Variants in PRKAR1B observed in about 807,000 individuals in gnomAD.
The protein encoded by PRKAR1B is protein kinase cAMP-dependent type I regulatory subunit beta, also known as cAMP-dependent protein kinase type I-beta regulatory subunit.
A neutral mutation model predicts 46.5 loss-of-function variants in PRKAR1B; 22 were observed. That is an observed-to-expected ratio of 0.47 (90% CI 0.34 to 0.68). The LOEUF is 0.68. Among genes scored for constraint, PRKAR1B ranks in the 30% least tolerant of loss-of-function variants. The pLI is 0.01. For missense variants in PRKAR1B, 445 were observed against 535.6 expected (o/e 0.83, Z 1.67); for synonymous variants, 259 against 217.7 (o/e 1.19, Z -1.67).
rs566986579 is a variant in PRKAR1B, at chr7:644,823, G to T, written c.440+32406C>A. Among the ~76,000 whole-genome samples, 3 of 152,170 alleles carry T rather than the reference G, an allele frequency of 2.0e-5. No homozygotes were observed. Among genetic ancestry groups the T allele is most frequent in the Non-Finnish European group, 4.4e-5 (3 of 68,034 alleles). ...AGGGAAGCGGGCCCCAAAGAGGCTG[G>T]ACCGGGCAGTGCCGTCGGCCAAAGG... On this transcript the variant is annotated intron_variant, in intron 4 of 10. Coordinates refer to ENST00000537384, the MANE Select transcript of PRKAR1B (RefSeq NM_001164760.2). This position sits in a 1 kb window ranked among gnomAD's most constrained non-coding sequence, Gnocchi z 4.9.
At chr7:628,785 C>T (rs916864723) in intron 4 of PRKAR1B, among the ~76,000 whole-genome samples, 2 of 152,084 alleles carry the variant, frequency 1.3e-5, no homozygotes, top group African/African-American at 2.4e-5. Context: ...CTCCCTCCCT[C>T]GCCTTTTCCA....
intron 6 of PRKAR1B, among the ~76,000 whole-genome samples, chr7:604,391 T>C (rs1331208953): frequency 6.6e-6 from 1 of 152,212 alleles, no homozygotes; most frequent in Admixed American, 6.5e-5. Context: ...CCGGGACCTT[T>C]GGCACCTGCC....
intron 7 of PRKAR1B, among the ~76,000 whole-genome samples, chr7:585,338 C>T (rs1780535066): frequency 6.6e-6 from 1 of 152,124 alleles, no homozygotes; most frequent in Non-Finnish European, 1.5e-5. Context: ...CTGCCTGGGC[C>T]TTTGTACAGT....
chr7:640,617 G>C lies in PRKAR1B; in HGVS notation c.441-33165C>G, dbSNP rs373278369. Reference sequence around the variant, plus strand: ...ATCTCTACTAAAAATACAAAAATTAGCCGGGTGTGGTGGCAGCTGCCTGTA... The same window carrying C: ...ATCTCTACTAAAAATACAAAAATTACCCGGGTGTGGTGGCAGCTGCCTGTA... On this transcript the variant is annotated intron_variant, in intron 4 of 10. Transcript: ENST00000537384. Among the ~76,000 whole-genome samples the C allele has an allele frequency of 4.6e-5, 7 of 152,162 alleles. No individual in the cohort carries two copies. In the East Asian group the frequency reaches 9.7e-4, roughly 21 times the overall value.
chr7:678,480 G>A (rs1048854482), intron 3 of PRKAR1B, among the ~76,000 whole-genome samples: 2 of 152,198 alleles, frequency 1.3e-5, no homozygotes, highest in Non-Finnish European at 2.9e-5. Flanking sequence ...CTGTCTGTCT[G>A]TCTGAAACTC....
chr7:550,273 TCCA>T lies in PRKAR1B; in HGVS notation c.*154_*156del. 1.6e-6 allele frequency: 1 copy of T among 622,240 alleles called. No individual in the cohort carries two copies. Among genetic ancestry groups the T allele is most frequent in the Non-Finnish European group, 2.9e-6 (1 of 350,206 alleles). The allele number at this position is 622,240 out of a possible 1,614,324, so 38.5% of individuals were successfully genotyped here. Reference sequence around the variant, plus strand: ...GGAAATGCACAAGGTGATCATTTATTCCAAAAAGTGAGTCCGGGGAAGGGGCAG... The same window carrying T: ...GGAAATGCACAAGGTGATCATTTATTAAAAGTGAGTCCGGGGAAGGGGCAG... On this transcript the variant is annotated 3_prime_UTR_variant, in exon 11 of 11. Transcript: ENST00000537384.
At chr7:630,561 G>C (rs915919268) in intron 4 of PRKAR1B, among the ~76,000 whole-genome samples, 1 of 152,160 alleles carries the variant, frequency 6.6e-6, no homozygotes, top group African/African-American at 2.4e-5. Flanking sequence ...GTTTTAATTT[G>C]GTCTGAACCT....
intron 1 of PRKAR1B, among the ~76,000 whole-genome samples, chr7:726,139 G>A (rs1455298838): frequency 2.0e-5 from 3 of 152,102 alleles, no homozygotes; most frequent in Non-Finnish European, 4.4e-5. Context: ...CAATTCCCCT[G>A]TCTTGATAAA....
chr7:574,295 G>A (rs1779700781), intron 9 of PRKAR1B, among the ~76,000 whole-genome samples: 3 of 152,264 alleles, frequency 2.0e-5, no homozygotes, highest in Admixed American at 6.5e-5. Context: ...CTGAGAAGCC[G>A]AGAGCAGGGC....
At chr7:588,573 A>ATGGTGAT in intron 7 of PRKAR1B, among the ~76,000 whole-genome samples, 1 of 130,868 alleles carries the variant, frequency 7.6e-6, no homozygotes, top group African/African-American at 3.1e-5. Context: ...GATGTTGGTG[A>ATGGTGAT]GGATAGTGAC....
intron 6 of PRKAR1B, among the ~76,000 whole-genome samples, chr7:597,475 G>A (rs1374177278): frequency 6.6e-6 from 1 of 152,198 alleles, no homozygotes; most frequent in Non-Finnish European, 1.5e-5. Flanking sequence ...AGTTCCTGGA[G>A]GGAGGCTGGA....
chr7:705,013 C>A (rs186622633), intron 2 of PRKAR1B, among the ~76,000 whole-genome samples: 245 of 151,958 alleles, frequency 1.6e-3, no homozygotes, highest in African/African-American at 5.7e-3. Flanking sequence ...ACTTTAGGGC[C>A]GGGCGCAGTG....
At chr7:594,095 C>A (rs535643863) in intron 7 of PRKAR1B, among the ~76,000 whole-genome samples, 1 of 152,252 alleles carries the variant, frequency 6.6e-6, no homozygotes, top group South Asian at 2.1e-4. Context: ...GCTCACGGGG[C>A]TCCATCCTAA....
At chr7:657,876 C>T (rs1785296321) in intron 4 of PRKAR1B, among the ~76,000 whole-genome samples, 1 of 152,164 alleles carries the variant, frequency 6.6e-6, no homozygotes, top group Admixed American at 6.5e-5. Flanking sequence ...TCACAGCCTC[C>T]ACCTCCTCAT....
At chr7:711,172 T>C (rs936604632) in intron 2 of PRKAR1B, among the ~76,000 whole-genome samples, 157 bp downstream of exon 2, 1 of 152,008 alleles carries the variant, frequency 6.6e-6, no homozygotes, top group Non-Finnish European at 1.5e-5. Context: ...CAGGTCGGCC[T>C]CTCTCCCCGC....
intron 2 of PRKAR1B, among the ~76,000 whole-genome samples, chr7:705,722 G>A (rs754214986): frequency 1.3e-5 from 2 of 152,178 alleles, no homozygotes; most frequent in Non-Finnish European, 2.9e-5. Flanking sequence ...TGCAGGACCT[G>A]TTGATGCAGA....
At position 579,934 on chromosome 7, in the gene PRKAR1B, AAAAAATGTTTT is replaced by A. The variant is rs1780078847; in HGVS notation, c.770-568_770-558del. Reference sequence around the variant, plus strand: ...CGACATAATGAGACCCCATCTCTACAAAAAATGTTTTAAATCAGCCAGGCATGCTGGTGTGT... The same window carrying A: ...CGACATAATGAGACCCCATCTCTACAAAATCAGCCAGGCATGCTGGTGTGT... On this transcript the variant is annotated intron_variant, in intron 8 of 10. Coordinates refer to ENST00000537384, the MANE Select transcript of PRKAR1B (RefSeq NM_001164760.2). 2.6e-5 allele frequency among the ~76,000 whole-genome samples: 4 copies of A among 151,826 alleles called. No individual in the cohort carries two copies. The South Asian group carries it at 8.3e-4, about 32-fold the overall frequency.
At chr7:634,296 A>G (rs1014702557) in intron 4 of PRKAR1B, among the ~76,000 whole-genome samples, 12 of 152,104 alleles carry the variant, frequency 7.9e-5, no homozygotes, top group African/African-American at 2.4e-4. Flanking sequence ...TGCTGGGATT[A>G]CAGGCGTGAG....
chr7:579,415 C>G, intron 8 of PRKAR1B, 38 bp from the exon 9 acceptor site: 1 of 1,607,678 alleles, frequency 6.2e-7, no homozygotes, highest in Non-Finnish European at 8.5e-7. Context: ...TCCCGGGGCC[C>G]ACGCCCCCAC....
Sources: allele counts gnomAD v4.1 joint callset (sites outside exome capture counted in the v4.1 genomes callset), GRCh38; gene constraint gnomAD v4.1.1; non-coding constraint Gnocchi (gnomAD v3.1); transcripts MANE v1.5; gene names NCBI Gene and HGNC (gene_info 2026-07-23, HGNC 2026-07-21).